CENPU: variants seen among roughly 807,000 people sequenced by gnomAD.
The protein encoded by CENPU is KSHV latent nuclear antigen interacting protein 1.
A neutral mutation model predicts 56.7 loss-of-function variants in CENPU; 46 were observed. That is an observed-to-expected ratio of 0.81 (90% confidence interval 0.64 to 1.04). CENPU has a LOEUF of 1.04. Among genes scored for constraint, CENPU ranks in the 50% least tolerant of loss-of-function variants. The probability of loss-of-function intolerance (pLI) is 0.00; values close to 1 mark genes in which losing one functional copy is unlikely to be tolerated. For missense variants in CENPU, 510 were observed against 490.1 expected (o/e 1.04, Z -0.38); for synonymous variants, 166 against 163.0 (o/e 1.02, Z -0.14).
At chr4:184,703,624 C>T (rs1760619711) in intron 8 of CENPU, among the ~76,000 whole-genome samples, 1 of 152,090 alleles carries the variant, frequency 6.6e-6, no homozygotes, top group Admixed American at 6.6e-5. Flanking sequence ...ATTAATTAAA[C>T]ACAGAATTAC....
At chr4:184,699,566 G>A (rs1265786882) in intron 11 of CENPU, 1 of 1,288,778 alleles carries the variant, frequency 7.8e-7, no homozygotes, top group Admixed American at 2.3e-5. Context: ...GCCTGGGTCA[G>A]TGAAAACCTT....
At chr4:184,710,288 C>G in intron 7 of CENPU, 108 bp from the exon 8 acceptor site, 1 of 630,598 alleles carries the variant, frequency 1.6e-6, no homozygotes, top group South Asian at 2.3e-5. Context: ...TAAAAGATAG[C>G]TACAGCTGAA....
intron 8 of CENPU, among the ~76,000 whole-genome samples, chr4:184,706,179 T>A (rs984272268): frequency 2.6e-5 from 4 of 152,302 alleles, no homozygotes; most frequent in African/African-American, 9.6e-5. Context: ...TGTAATATAA[T>A]ATCAAATCAT....
chr4:184,731,881 CTCTG>C (rs1761658683), intron 1 of CENPU, among the ~76,000 whole-genome samples: 1 of 25,578 alleles, frequency 3.9e-5, no homozygotes, highest in Non-Finnish European at 8.4e-5. Flanking sequence ...TACTCATGTG[CTCTG>C]TGTGTGTGTG....
At chr4:184,697,575 T>C in intron 12 of CENPU, 72 bp downstream of exon 12, 1 of 1,417,546 alleles carries the variant, frequency 7.1e-7, no homozygotes, top group Non-Finnish European at 9.8e-7. Context: ...CCAAAGCTTC[T>C]GATACTCTAG....
At chr4:184,716,264 C>T (rs2077205) in intron 6 of CENPU, 133 bp downstream of exon 6, 252,952 of 677,596 alleles carry the variant, frequency 0.37, 51,359 homozygotes, top group East Asian at 0.68. Context: ...AAACAAACAT[C>T]TTTATTACAT....
Position 184,694,613 on chromosome 4 carries a change from G to A in CENPU, c.*675C>T. On this transcript the variant is annotated 3_prime_UTR_variant, in exon 13 of 13. Coordinates refer to ENST00000281453, the MANE Select transcript of CENPU (RefSeq NM_024629.4). ...CCATCACCTAGCAGGCTGTCAACAGGTGCATCTGCTGATGCTGTCTGGGAT... is the reference window on the plus strand; with the variant it reads ...CCATCACCTAGCAGGCTGTCAACAGATGCATCTGCTGATGCTGTCTGGGAT... 1.2e-6 allele frequency: 2 copies of A among 1,614,124 alleles called. No homozygotes were observed. The highest frequency in any genetic ancestry group is 1.7e-5 in the Admixed American group (1 of 60,022).
At position 184,694,401 on chromosome 4, in the gene CENPU, A is replaced by T; in HGVS notation, c.*887T>A. On this transcript the variant is annotated 3_prime_UTR_variant, in exon 13 of 13. Transcript: ENST00000281453. Reference sequence around the variant, plus strand: ...ATATCGGAGACAGCATTCCTCCTGCATATTCACTTTAGTATCTGTCACTTA... The same window carrying T: ...ATATCGGAGACAGCATTCCTCCTGCTTATTCACTTTAGTATCTGTCACTTA... 7.0e-7 allele frequency: 1 copy of T among 1,429,950 alleles called. No homozygotes were observed. The highest frequency in any genetic ancestry group is 1.5e-5 in the South Asian group (1 of 64,870). The allele number at this position is 1,429,950 out of a possible 1,614,324, so 88.6% of individuals were successfully genotyped here.
intron 8 of CENPU, among the ~76,000 whole-genome samples, chr4:184,705,486 G>A (rs1056328898): frequency 6.6e-6 from 1 of 151,976 alleles, no homozygotes; most frequent in Non-Finnish European, 1.5e-5. Context: ...TGGAGGTGAT[G>A]CAATACACAA....
At position 184,694,280 on chromosome 4, in the gene CENPU, G is replaced by A; in HGVS notation, c.*1008C>T. On this transcript the variant is annotated 3_prime_UTR_variant, in exon 13 of 13. Transcript: ENST00000281453. ...CGTCGGGGAGTATTGAAAAGTATGT[G>A]CACAGAACTGTAGGTAATTTCAAAT... 7.8e-7 allele frequency: 1 copy of A among 1,276,036 alleles called. No homozygotes were observed. Among genetic ancestry groups the A allele is most frequent in the South Asian group, 2.4e-5 (1 of 41,384 alleles). The allele number at this position is 1,276,036 out of a possible 1,614,324, so 79.0% of individuals were successfully genotyped here.
At chr4:184,700,793 C>T in intron 11 of CENPU, 27 bp downstream of exon 11, 3 of 1,600,386 alleles carry the variant, frequency 1.9e-6, no homozygotes, top group Non-Finnish European at 2.6e-6. Flanking sequence ...TAGGTAAGTG[C>T]TCAAACAGGA....
chr4:184,720,382 G>A (rs1181796663), intron 4 of CENPU, among the ~76,000 whole-genome samples: 1 of 152,102 alleles, frequency 6.6e-6, no homozygotes, highest in Non-Finnish European at 1.5e-5. Flanking sequence ...CATGCCTACA[G>A]GGTCTAGAAA....
chr4:184,728,437 CCCTGACAACTCACACACTCCTGGCCAG>C (rs1761529775), intron 3 of CENPU, among the ~76,000 whole-genome samples: 1 of 152,178 alleles, frequency 6.6e-6, no homozygotes, highest in Non-Finnish European at 1.5e-5. Context: ...AAGCAGCCCA[CCCTGACAACTCACACACTCCTGGCCAG>C]CCTGGTACTG....
rs1760178270 is a variant in CENPU at position 184,694,890 on chromosome 4, C to T, written c.*398G>A. 1.0e-6 allele frequency: 1 copy of T among 991,166 alleles called. No individual in the cohort carries two copies. The highest frequency in any genetic ancestry group is 2.0e-5 in the South Asian group (1 of 50,966). 61.4% of individuals were successfully genotyped at this position (991,166 alleles called of 1,614,324 possible). On this transcript the variant is annotated 3_prime_UTR_variant, in exon 13 of 13. Transcript: ENST00000281453. The stretch of plus-strand genomic sequence containing the variant: ...ATATAAACTAAGTTTTATTACTTTG[C>T]TTTCCAATTTTTGTTTTTTACTTCT...
intron 4 of CENPU, among the ~76,000 whole-genome samples, chr4:184,719,874 T>C (rs1419293213): frequency 6.6e-6 from 1 of 152,166 alleles, no homozygotes; most frequent in Non-Finnish European, 1.5e-5. Context: ...ACCTAAGTCC[T>C]TTCAAATATC....
In CENPU at chr4:184,699,668, C is replaced by CTCTTT. The variant is rs10694027; in HGVS notation, c.986+1151_986+1152insAAAGA. 2,504 of 1,082,184 alleles carry CTCTTT rather than the reference C, an allele frequency of 2.3e-3. 1 individual carries two copies. The highest frequency in any genetic ancestry group is 2.7e-3 in the Non-Finnish European group (2,210 of 826,368). The allele number at this position is 1,082,184 out of a possible 1,614,324, so 67.0% of individuals were successfully genotyped here. Reference sequence around the variant, plus strand: ...CACTTAAACTCCTGTGGCAGTCTCTCTTTTTTTTTTGAGACACAGTTTCAC... The same window carrying CTCTTT: ...CACTTAAACTCCTGTGGCAGTCTCTCTCTTTTTTTTTTTTTGAGACACAGTTTCAC... On this transcript the variant is annotated intron_variant, in intron 11 of 12. Transcript: ENST00000281453.
At chr4:184,706,045 G>A (rs1222849171) in intron 8 of CENPU, among the ~76,000 whole-genome samples, 5 of 152,152 alleles carry the variant, frequency 3.3e-5, no homozygotes, top group East Asian at 1.9e-4. Flanking sequence ...GCACAACAAC[G>A]TGAATATACT....
chr4:184,700,195 CTG>C (rs768337722), intron 11 of CENPU, among the ~76,000 whole-genome samples: 1 of 152,150 alleles, frequency 6.6e-6, no homozygotes, highest in Non-Finnish European at 1.5e-5. Flanking sequence ...TAACCAGAAA[CTG>C]GGGGCAGCCC....
chr4:184,730,910 G>A lies in CENPU; in HGVS notation c.96+10C>T, dbSNP rs1416323477. ...TTTTGAGAAAACCACAACACAAAAAGGTAACTTACATCTTTCATGGAATGT... is the reference window on the plus strand; with the variant it reads ...TTTTGAGAAAACCACAACACAAAAAAGTAACTTACATCTTTCATGGAATGT... On this transcript the variant is annotated intron_variant, in intron 2 of 12. Coordinates refer to ENST00000281453, the MANE Select transcript of CENPU (RefSeq NM_024629.4). 3 of 1,574,190 alleles carry A rather than the reference G, an allele frequency of 1.9e-6. No individual in the cohort carries two copies. The highest frequency in any genetic ancestry group is 2.3e-5 in the East Asian group (1 of 43,234).
Sources: allele counts gnomAD v4.1 joint callset (sites outside exome capture counted in the v4.1 genomes callset), GRCh38; gene constraint gnomAD v4.1.1; transcripts MANE v1.5; gene names NCBI Gene and HGNC (gene_info 2026-07-23, HGNC 2026-07-21).